The following ARHGAP15 variants were observed in gnomAD, a reference collection of about 807,000 sequenced individuals.
The protein encoded by ARHGAP15 is Rho GTPase activating protein 15.
ARHGAP15 carries 51 observed loss-of-function variants against 63.7 expected under a neutral mutation model. That is an observed-to-expected ratio of 0.80 (90% CI 0.64 to 1.01). The LOEUF (loss-of-function observed/expected upper bound fraction) is 1.01. ARHGAP15 is among the 50% of genes least tolerant of loss of function. The pLI is 0.00. For missense variants in ARHGAP15, 560 were observed against 564.6 expected, an observed-to-expected ratio of 0.99 and a Z score of 0.08; for synonymous variants, 191 against 193.8, an observed-to-expected ratio of 0.99 and a Z score of 0.12.
chr2:143,305,055 A>G (rs1402547787), intron 6 of ARHGAP15, among the ~76,000 whole-genome samples: 1 of 152,134 alleles, frequency 6.6e-6, no homozygotes, highest in Non-Finnish European at 1.5e-5. Flanking sequence ...TGCTCACGAT[A>G]GCAAAGACTT....
intron 9 of ARHGAP15, among the ~76,000 whole-genome samples, chr2:143,494,956 A>G (rs958972955): frequency 1.5e-4 from 23 of 152,226 alleles, no homozygotes; most frequent in Admixed American, 1.4e-3. Flanking sequence ...AGATTATTTG[A>G]AAGTATAGCA....
intron 9 of ARHGAP15, among the ~76,000 whole-genome samples, chr2:143,510,401 C>T (rs373592579): frequency 4.5e-4 from 68 of 152,218 alleles, no homozygotes; most frequent in Admixed American, 7.9e-4. Flanking sequence ...CAGTCTAGAG[C>T]GATTGATGAC....
chr2:143,310,282 C>A (rs1156678103), intron 6 of ARHGAP15, among the ~76,000 whole-genome samples: 1 of 151,944 alleles, frequency 6.6e-6, no homozygotes, highest in Non-Finnish European at 1.5e-5. Flanking sequence ...TCAATAAAAG[C>A]TGACATTTTT....
intron 13 of ARHGAP15, among the ~76,000 whole-genome samples, chr2:143,716,479 G>A (rs963474108): frequency 1.3e-5 from 2 of 152,070 alleles, no homozygotes; most frequent in African/African-American, 2.4e-5. Context: ...GCTCCTATCA[G>A]GTCAACCCCA....
intron 6 of ARHGAP15, among the ~76,000 whole-genome samples, chr2:143,262,535 AT>A (rs67267617): frequency 0.28 from 25,555 of 90,878 alleles, 2,214 homozygotes; most frequent in East Asian, 0.39. Context: ...TGAACCTTTG[AT>A]TTTTTTTTTT....
At chr2:143,401,553 A>G (rs1687989082) in intron 6 of ARHGAP15, among the ~76,000 whole-genome samples, 3 of 151,988 alleles carry the variant, frequency 2.0e-5, no homozygotes, top group Admixed American at 1.3e-4. Context: ...TGAGTGTTTC[A>G]TGAGTGACCT....
chr2:143,515,444 A>T (rs1190029494), intron 9 of ARHGAP15, among the ~76,000 whole-genome samples: 1 of 152,190 alleles, frequency 6.6e-6, no homozygotes, highest in East Asian at 1.9e-4. Flanking sequence ...CTTATTTTTA[A>T]TACATTAGCT....
chr2:143,668,227 G>A (rs933370160), intron 12 of ARHGAP15, among the ~76,000 whole-genome samples: 1 of 151,742 alleles, frequency 6.6e-6, no homozygotes, highest in East Asian at 1.9e-4. Flanking sequence ...ATATGTTGAT[G>A]TAACACTCCC....
rs75932807 is a variant in ARHGAP15 at position 143,501,831 on chromosome 2, T to C, written c.826+14336T>C. On this transcript the variant is annotated intron_variant, in intron 9 of 13. Coordinates refer to ENST00000295095, the MANE Select transcript of ARHGAP15 (RefSeq NM_018460.4). ...CTTTGCAGTATAGGAATATAAATAT[T>C]CCAAATGTGACTACACAGTGTAGCA... 3.9e-3 allele frequency among the ~76,000 whole-genome samples: 598 copies of C among 152,276 alleles called. 6 individuals carry two copies. Among genetic ancestry groups the C allele is most frequent in the African/African-American group, 0.014 (569 of 41,546 alleles).
At chr2:143,392,216 G>A (rs1437141520) in intron 6 of ARHGAP15, among the ~76,000 whole-genome samples, 3 of 152,106 alleles carry the variant, frequency 2.0e-5, no homozygotes, top group South Asian at 2.1e-4. Context: ...TTTATTCTCT[G>A]CAATGGCATG....
chr2:143,187,456 A>G (rs540116875), intron 2 of ARHGAP15, among the ~76,000 whole-genome samples: 4 of 152,344 alleles, frequency 2.6e-5, no homozygotes, highest in African/African-American at 9.6e-5. Flanking sequence ...TCCTTCGATG[A>G]TAATACTAGC....
In ARHGAP15 at chr2:143,189,248, C is replaced by T. The variant is rs1157394050; in HGVS notation, c.166-12886C>T. On this transcript the variant is annotated intron_variant, in intron 2 of 13. Transcript: ENST00000295095. ...CCCCTTCCTCTCTCTTCCACATACACTATTTTTGGAAGATTTTACAATCTT... is the reference window on the plus strand; with the variant it reads ...CCCCTTCCTCTCTCTTCCACATACATTATTTTTGGAAGATTTTACAATCTT... Among the ~76,000 whole-genome samples, 4 of 152,186 alleles carry T rather than the reference C, an allele frequency of 2.6e-5. No individual in the cohort carries two copies. In the East Asian group the frequency reaches 7.7e-4, roughly 29 times the overall value.
chr2:143,479,687 A>G (rs1048077269), intron 8 of ARHGAP15, among the ~76,000 whole-genome samples: 5 of 152,138 alleles, frequency 3.3e-5, no homozygotes, highest in African/African-American at 9.7e-5. Context: ...CAGTTAAAAT[A>G]TATAATCAAT....
intron 11 of ARHGAP15, among the ~76,000 whole-genome samples, chr2:143,586,669 A>T (rs1256351939): frequency 7.1e-6 from 1 of 140,526 alleles, no homozygotes; most frequent in Non-Finnish European, 1.5e-5. Flanking sequence ...ATTGCATAAT[A>T]TGTAAATATT....
At chr2:143,754,350 T>G (rs1686493841) in intron 13 of ARHGAP15, among the ~76,000 whole-genome samples, 1 of 152,186 alleles carries the variant, frequency 6.6e-6, no homozygotes, top group Middle Eastern at 3.2e-3. Flanking sequence ...ATAAAGCAGA[T>G]TAGCAGCAGA....
chr2:143,621,065 T>C (rs931845652), intron 11 of ARHGAP15, among the ~76,000 whole-genome samples: 1 of 152,210 alleles, frequency 6.6e-6, no homozygotes, highest in Non-Finnish European at 1.5e-5. Flanking sequence ...CAACCAAGAA[T>C]AATTTTGCAC....
At chr2:143,346,291 G>A (rs1485610842) in intron 6 of ARHGAP15, among the ~76,000 whole-genome samples, 1 of 148,236 alleles carries the variant, frequency 6.7e-6, no homozygotes, top group African/African-American at 2.5e-5. Context: ...AACACACCAG[G>A]GAGAGGATTA....
intron 2 of ARHGAP15, among the ~76,000 whole-genome samples, chr2:143,182,024 C>T (rs571903879): frequency 6.9e-4 from 105 of 151,318 alleles, no homozygotes; most frequent in Admixed American, 2.1e-3. Flanking sequence ...TCACTGAAAC[C>T]CCTGCCTCCC....
rs187342296 is a variant in ARHGAP15 at position 143,596,550 on chromosome 2, A to G, written c.1004-27583A>G. ...ACTTCAAATTGGTTTTAAATTTACA[A>G]CAATTATTTGAATAAAAGCCACTAT... On this transcript the variant is annotated intron_variant, in intron 11 of 13. Transcript: ENST00000295095. 1.6e-3 allele frequency among the ~76,000 whole-genome samples: 250 copies of G among 152,222 alleles called. 1 individual carries two copies. Among genetic ancestry groups the G allele is most frequent in the Non-Finnish European group, 2.7e-3 (184 of 67,980 alleles).
Sources: gnomAD v4.1 joint callset for allele counts (sites outside exome capture counted in the v4.1 genomes callset) on GRCh38, gnomAD v4.1.1 for gene constraint, MANE v1.5 for transcripts, NCBI Gene and HGNC (gene_info 2026-07-23, HGNC 2026-07-21) for gene names.